Variants in SIRT2 observed in about 807,000 individuals in gnomAD.
SIRT2 encodes the protein NAD-dependent protein deacetylase sirtuin-2.
Under a neutral mutation model 57.4 loss-of-function variants are expected in SIRT2, and 40 were observed. That is an observed-to-expected ratio of 0.70 (90% CI 0.54 to 0.91). SIRT2 has a LOEUF of 0.91. Ranked by LOEUF, SIRT2 falls within the 40% of genes least tolerant of loss-of-function variation. The pLI is 0.00. For synonymous variants in SIRT2, 161 were observed against 195.7 expected (o/e 0.82, Z 1.48); for missense variants, 439 against 510.4 (o/e 0.86, Z 1.35).
chr19:38,879,026 G>A lies in SIRT2; in HGVS notation c.*129C>T. ...GTTGCTGGGACCCCAGTTTTGGGGA[G>A]GGAGCTGTAAGAGATTGGGGGATGT... On this transcript the variant is annotated 3_prime_UTR_variant, in exon 16 of 16. Coordinates refer to ENST00000249396, the MANE Select transcript of SIRT2 (RefSeq NM_012237.4). The A allele has an allele frequency of 1.0e-6, 1 of 1,004,160 alleles. No individual in the cohort carries two copies. The allele number at this position is 1,004,160 out of a possible 1,614,324, so 62.2% of individuals were successfully genotyped here.
At position 38,878,815 on chromosome 19, in the gene SIRT2, C is replaced by A; in HGVS notation, c.*340G>T. ...CCGGGGGCAGGAGACAGAGTGGGGG[C>A]CCGAAGCTCCCTGTCCTGGAAGAGT... On this transcript the variant is annotated 3_prime_UTR_variant, in exon 16 of 16. Coordinates refer to ENST00000249396, the MANE Select transcript of SIRT2 (RefSeq NM_012237.4). The A allele has an allele frequency of 4.5e-6, 1 of 221,126 alleles. No individual in the cohort carries two copies. Among genetic ancestry groups the A allele is most frequent in the South Asian group, 1.2e-4 (1 of 8,126 alleles). 13.7% of individuals were successfully genotyped at this position (221,126 alleles called of 1,614,324 possible).
chr19:38,889,314 G>T (rs1568401820), intron 7 of SIRT2, 159 bp from the exon 8 acceptor site: 1 of 736,344 alleles, frequency 1.4e-6, no homozygotes. Context: ...CCAGATCACA[G>T]ATGAGGAAAC....
At chr19:38,894,549 G>T in intron 2 of SIRT2, 1 of 293,744 alleles carries the variant, frequency 3.4e-6, no homozygotes, top group Non-Finnish European at 6.7e-6. Context: ...TCTTCCCTTC[G>T]TTCCCGGGTC....
At chr19:38,894,010 C>T (rs1259282112) in intron 2 of SIRT2, 143 bp from the exon 3 acceptor site, 2 of 1,495,926 alleles carry the variant, frequency 1.3e-6, no homozygotes, top group East Asian at 2.4e-5. Context: ...TGCACTGGGG[C>T]TAGCTCCAGG....
intron 4 of SIRT2, among the ~76,000 whole-genome samples, chr19:38,891,349 G>A (rs939514474): frequency 6.6e-6 from 1 of 152,144 alleles, no homozygotes; most frequent in Non-Finnish European, 1.5e-5. Context: ...AGGAGTTCAA[G>A]ACCAGCCTGG....
chr19:38,889,850 C>G lies in SIRT2; in HGVS notation c.375+5G>C. 6.2e-7 allele frequency: 1 copy of G among 1,613,832 alleles called. No individual in the cohort carries two copies. Among genetic ancestry groups the G allele is most frequent in the African/African-American group, 1.3e-5 (1 of 75,000 alleles). On this transcript the variant is annotated splice_donor_5th_base_variant and intron_variant, in intron 6 of 15. Coordinates refer to ENST00000249396, the MANE Select transcript of SIRT2 (RefSeq NM_012237.4). Reference sequence around the variant, plus strand: ...ACAGACGCCCCTTCCTGGGGGAGCACAAACCTTGAAATAGCTGATCTCAAA... The same window carrying G: ...ACAGACGCCCCTTCCTGGGGGAGCAGAAACCTTGAAATAGCTGATCTCAAA...
intron 2 of SIRT2, chr19:38,894,849 C>A: frequency 2.2e-6 from 1 of 456,184 alleles, no homozygotes; most frequent in East Asian, 7.0e-5. Flanking sequence ...TCATCCATGC[C>A]AATGACCTCT....
At chr19:38,888,214 C>A (rs193111850) in intron 8 of SIRT2, among the ~76,000 whole-genome samples, 1 of 152,268 alleles carries the variant, frequency 6.6e-6, no homozygotes, top group East Asian at 1.9e-4. Context: ...ACCAGGTCTC[C>A]CAGGCTACAG....
intron 8 of SIRT2, among the ~76,000 whole-genome samples, chr19:38,886,984 C>G (rs909354455): frequency 6.6e-6 from 1 of 151,638 alleles, no homozygotes; most frequent in African/African-American, 2.4e-5. Context: ...GTCACCCAGG[C>G]TGGAGTGCAG....
chr19:38,885,082 C>T (rs897683552), intron 8 of SIRT2, among the ~76,000 whole-genome samples: 1 of 151,778 alleles, frequency 6.6e-6, no homozygotes, highest in Non-Finnish European at 1.5e-5. Flanking sequence ...GGCATATTCA[C>T]CTGTGTTCTT....
intron 2 of SIRT2, among the ~76,000 whole-genome samples, chr19:38,896,831 G>A (rs953321698): frequency 1.2e-4 from 18 of 152,170 alleles, no homozygotes; most frequent in African/African-American, 3.6e-4. Flanking sequence ...ACCACCCCAC[G>A]TCTGAAAGGC....
intron 4 of SIRT2, chr19:38,891,967 C>G: frequency 2.1e-6 from 1 of 468,268 alleles, no homozygotes; most frequent in Non-Finnish European, 4.4e-6. Context: ...ACAGTGGCAG[C>G]TGGAGGACAG....
At chr19:38,886,630 T>C (rs1308697541) in intron 8 of SIRT2, among the ~76,000 whole-genome samples, 1 of 150,988 alleles carries the variant, frequency 6.6e-6, no homozygotes, top group Non-Finnish European at 1.5e-5. Context: ...ATTTTTTTTT[T>C]TTTTTTTTTG....
At chr19:38,886,620 ATTTTTTTTT>A (rs551831229) in intron 8 of SIRT2, among the ~76,000 whole-genome samples, 2 of 138,750 alleles carry the variant, frequency 1.4e-5, no homozygotes, top group African/African-American at 5.3e-5. Flanking sequence ...TGCCTGGCTA[ATTTTTTTTT>A]TTTTTTTTTT....
intron 8 of SIRT2, among the ~76,000 whole-genome samples, chr19:38,887,752 T>G (rs1973387824): frequency 6.6e-6 from 1 of 151,182 alleles, no homozygotes; most frequent in Non-Finnish European, 1.5e-5. Flanking sequence ...CACTCTTTTT[T>G]GTTTGTTTGT....
intron 14 of SIRT2, 56 bp downstream of exon 14, chr19:38,879,576 C>A: frequency 1.3e-6 from 2 of 1,554,322 alleles, no homozygotes; most frequent in Non-Finnish European, 1.7e-6. Context: ...TTCGTGCCCC[C>A]GCTCCCACCT....
chr19:38,886,080 C>T (rs1282645041), intron 8 of SIRT2, among the ~76,000 whole-genome samples: 1 of 152,184 alleles, frequency 6.6e-6, no homozygotes, highest in Non-Finnish European at 1.5e-5. Context: ...GCAGAGATGG[C>T]TCGCATGTGT....
At chr19:38,898,246 T>C in intron 2 of SIRT2, 133 bp downstream of exon 2, 1 of 519,790 alleles carries the variant, frequency 1.9e-6, no homozygotes, top group South Asian at 6.8e-5. Flanking sequence ...AAAGCTGCAC[T>C]GGGTGGTGTG....
At position 38,893,527 on chromosome 19, in the gene SIRT2, A is replaced by G. The variant is rs1172707908; in HGVS notation, c.113T>C (p.Met38Thr). 1 of 1,604,584 alleles carries G rather than the reference A, an allele frequency of 6.2e-7. No individual in the cohort carries two copies. The highest frequency in any genetic ancestry group is 1.7e-5 in the Admixed American group (1 of 59,906). ...EGGAAGGEAD[M>T]DFLRNLFSQT... is the part of the protein sequence containing the mutation. ...GGAGAATAAGTTCCGCAGGAAGTCC[A>G]CTGACCGGAAAGAAGAGAGACAGCG... Residue 38 changes from methionine (M) to threonine (T), a missense_variant and splice_region_variant, in exon 4 of 16, where the codon ATG becomes ACG. Coordinates refer to ENST00000249396, the MANE Select transcript of SIRT2 (RefSeq NM_012237.4).
Sources: allele counts gnomAD v4.1 joint callset (sites outside exome capture counted in the v4.1 genomes callset), GRCh38; gene constraint gnomAD v4.1.1; transcripts MANE v1.5; gene names NCBI Gene and HGNC (gene_info 2026-07-23, HGNC 2026-07-21).